SPATA6: variants seen among roughly 807,000 people sequenced by gnomAD.
SPATA6 encodes the protein spermatogenesis-associated protein 6.
A neutral mutation model predicts 65.3 loss-of-function variants in SPATA6; 56 were observed. The ratio of observed to expected loss-of-function variants is 0.86; its 90% CI spans 0.69 to 1.07. The LOEUF is 1.07. Ranked by LOEUF, SPATA6 falls within the 50% of genes least tolerant of loss-of-function variation. The probability of loss-of-function intolerance (pLI) is 0.00; values close to 1 mark genes in which losing one functional copy is unlikely to be tolerated. For missense variants in SPATA6, 590 were observed against 594.8 expected, an observed-to-expected ratio of 0.99 and a Z score of 0.08; for synonymous variants, 199 against 213.2, an observed-to-expected ratio of 0.93 and a Z score of 0.58.
chr1:48,362,916 G>C (rs540450747), intron 9 of SPATA6, among the ~76,000 whole-genome samples: 31 of 152,248 alleles, frequency 2.0e-4, no homozygotes, highest in African/African-American at 7.2e-4. Context: ...TAACTCAACA[G>C]TATTCAAGAT....
chr1:48,287,504 T>C, the SPATA6 span, among the ~76,000 whole-genome samples: 1 of 152,242 alleles, frequency 6.6e-6, no homozygotes, highest in Non-Finnish European at 1.5e-5. Context: ...CATGGGGGCA[T>C]ATCCTTCATG....
intron 3 of SPATA6, among the ~76,000 whole-genome samples, chr1:48,418,477 T>C (rs1486843818): frequency 1.5e-5 from 2 of 131,982 alleles, no homozygotes; most frequent in African/African-American, 5.9e-5. Context: ...GGAGGCCAAG[T>C]TGGGAGGGTT....
intron 7 of SPATA6, among the ~76,000 whole-genome samples, chr1:48,396,748 T>G (rs1341989853): frequency 6.6e-6 from 1 of 151,570 alleles, no homozygotes; most frequent in Admixed American, 6.6e-5. Context: ...ATGGTAGTGG[T>G]TGTCAGGGGT....
chr1:48,415,933 T>C (rs1434350644), intron 3 of SPATA6, among the ~76,000 whole-genome samples: 4 of 152,194 alleles, frequency 2.6e-5, no homozygotes, highest in African/African-American at 9.7e-5. Flanking sequence ...CCAGGCACGG[T>C]GGCTCACACC....
the SPATA6 span, among the ~76,000 whole-genome samples, chr1:48,287,428 T>C: frequency 0.024 from 3,613 of 152,356 alleles, 40 homozygotes; most frequent in South Asian, 0.06. Flanking sequence ...GTTTGTCCCC[T>C]CCAAATCTCA....
In SPATA6 at chr1:48,296,510, T is replaced by C. The variant is rs1644815448; in HGVS notation, c.*2203A>G. On this transcript the variant is annotated 3_prime_UTR_variant, in exon 13 of 13. Coordinates refer to ENST00000371847, the MANE Select transcript of SPATA6 (RefSeq NM_019073.4). ...TGGCAGATACAGGTGCAATAAGTAA[T>C]TTCTGTGGTACTTATTCACTTGGGA... 1 of 152,224 alleles carries C rather than the reference T, an allele frequency of 6.6e-6. No individual in the cohort carries two copies. 9.4% of individuals were successfully genotyped at this position (152,224 alleles called of 1,614,324 possible). A position where few individuals can be genotyped will look rare whatever the true frequency, so the allele number is the denominator to read the frequency against.
At chr1:48,370,047 G>T (rs1647188922) in intron 9 of SPATA6, among the ~76,000 whole-genome samples, 1 of 152,152 alleles carries the variant, frequency 6.6e-6, no homozygotes, top group African/African-American at 2.4e-5. Flanking sequence ...TGCTTACACA[G>T]TAAGTTGACA....
intron 8 of SPATA6, among the ~76,000 whole-genome samples, chr1:48,391,532 C>G (rs893080612): frequency 1.3e-5 from 2 of 152,046 alleles, no homozygotes; most frequent in East Asian, 3.9e-4. Context: ...ATAAACTTAC[C>G]CTGATTTGCA....
At chr1:48,314,494 A>G (rs914071996) in intron 11 of SPATA6, among the ~76,000 whole-genome samples, 5 of 152,224 alleles carry the variant, frequency 3.3e-5, no homozygotes, top group South Asian at 4.1e-4. Flanking sequence ...TGAAACCAAT[A>G]AGAACAAAGA....
rs1644853867 is a variant in SPATA6 at position 48,298,493 on chromosome 1, G to A, written c.*220C>T. 2.5e-6 allele frequency: 1 copy of A among 405,508 alleles called. No homozygotes were observed. The highest frequency in any genetic ancestry group is 4.2e-5 in the Admixed American group (1 of 23,678). The allele number at this position is 405,508 out of a possible 1,614,324, so 25.1% of individuals were successfully genotyped here. A position where few individuals can be genotyped will look rare whatever the true frequency, so the allele number is the denominator to read the frequency against. ...TTGGAAGTTGTGATTGTGTGACAGA[G>A]CTCTAATGTTTGTAACACAGCAGAC... On this transcript the variant is annotated 3_prime_UTR_variant, in exon 13 of 13. Transcript: ENST00000371847.
chr1:48,302,035 TCTTTA>T (rs1397011388), intron 12 of SPATA6, among the ~76,000 whole-genome samples: 3 of 152,180 alleles, frequency 2.0e-5, no homozygotes, highest in Non-Finnish European at 4.4e-5. Context: ...CATACTTTCT[TCTTTA>T]CATGTCTCAG....
chr1:48,411,378 T>C (rs1652209283), intron 5 of SPATA6, 86 bp downstream of exon 5: 15 of 1,404,622 alleles, frequency 1.1e-5, no homozygotes, highest in Non-Finnish European at 1.4e-5. Context: ...AATTTGTTCT[T>C]CACATTTAAG....
chr1:48,418,653 G>T (rs1420162554), intron 3 of SPATA6, among the ~76,000 whole-genome samples: 2 of 151,038 alleles, frequency 1.3e-5, no homozygotes, highest in African/African-American at 4.9e-5. Context: ...GAGCCTGGGA[G>T]GCAGAGGTCA....
At chr1:48,279,110 C>A in the SPATA6 span, among the ~76,000 whole-genome samples, 91 of 152,140 alleles carry the variant, frequency 6.0e-4, no homozygotes, top group African/African-American at 2.1e-3. Context: ...GAAATAAAAT[C>A]CTTTACAGAC....
At chr1:48,325,310 A>G (rs1024242139) in intron 11 of SPATA6, 4 of 1,163,808 alleles carry the variant, frequency 3.4e-6, no homozygotes, top group Middle Eastern at 2.0e-4. Context: ...AGCCTGCTTC[A>G]CTGTGTGTAG....
chr1:48,350,416 C>A (rs1646484611), intron 11 of SPATA6, among the ~76,000 whole-genome samples: 1 of 151,112 alleles, frequency 6.6e-6, no homozygotes, highest in Non-Finnish European at 1.5e-5. Flanking sequence ...TTCCACAGAG[C>A]AAATTAAATC....
chr1:48,288,386 G>A, the SPATA6 span, among the ~76,000 whole-genome samples: 1 of 152,184 alleles, frequency 6.6e-6, no homozygotes, highest in South Asian at 2.1e-4. Flanking sequence ...TGGCTGAACA[G>A]GAACAGCTCC....
chr1:48,344,609 T>C (rs1009736383), intron 11 of SPATA6, among the ~76,000 whole-genome samples: 3 of 152,126 alleles, frequency 2.0e-5, no homozygotes, highest in Non-Finnish European at 4.4e-5. Flanking sequence ...CCAAGACTTG[T>C]TGGTATGCTG....
chr1:48,347,432 CATATAAT>C (rs1557593639), intron 11 of SPATA6, among the ~76,000 whole-genome samples: 1 of 146,182 alleles, frequency 6.8e-6, no homozygotes, highest in Non-Finnish European at 1.5e-5. Flanking sequence ...TATATATACA[CATATAAT>C]ATATATGTAT....
Sources: allele counts gnomAD v4.1 joint callset (sites outside exome capture counted in the v4.1 genomes callset), GRCh38; gene constraint gnomAD v4.1.1; transcripts MANE v1.5; gene names NCBI Gene and HGNC (gene_info 2026-07-23, HGNC 2026-07-21).